The following SGCZ variants were observed in gnomAD, a reference collection of about 807,000 sequenced individuals.
The protein encoded by SGCZ is zeta-sarcoglycan.
Under a neutral mutation model 41.3 loss-of-function variants are expected in SGCZ, and 40 were observed. That is an observed-to-expected ratio of 0.97 (90% CI 0.75 to 1.26). The LOEUF is 1.26. SGCZ is among the 50% of genes most tolerant of loss of function. SGCZ has a pLI of 0.00. For synonymous variants in SGCZ, 206 were observed against 137.5 expected (o/e 1.50, Z -3.49); for missense variants, 552 against 369.8 (o/e 1.49, Z -4.04).
At chr8:14,340,328 G>C (rs988261792) in intron 2 of SGCZ, among the ~76,000 whole-genome samples, 2 of 152,034 alleles carry the variant, frequency 1.3e-5, no homozygotes, top group South Asian at 4.1e-4. Context: ...CCATACTCTG[G>C]TTAGTTATGA....
chr8:14,173,559 T>G (rs1804454007), intron 4 of SGCZ, among the ~76,000 whole-genome samples: 1 of 152,032 alleles, frequency 6.6e-6, no homozygotes, highest in Admixed American at 6.6e-5. Flanking sequence ...GTATAACAAC[T>G]CTCCAAATGA....
intron 2 of SGCZ, among the ~76,000 whole-genome samples, chr8:14,445,630 C>T (rs539930493): frequency 1.3e-5 from 2 of 152,234 alleles, no homozygotes; most frequent in East Asian, 1.9e-4. Context: ...AATCCCATGC[C>T]ACCTCATTAT....
At chr8:14,925,934 G>T (rs76102482) in intron 1 of SGCZ, among the ~76,000 whole-genome samples, 2 of 152,144 alleles carry the variant, frequency 1.3e-5, no homozygotes, top group South Asian at 4.1e-4. Context: ...GTGACAACAG[G>T]GCAGAGATGT....
intron 1 of SGCZ, among the ~76,000 whole-genome samples, chr8:15,158,088 T>G (rs1436594718): frequency 6.6e-6 from 1 of 152,058 alleles, no homozygotes; most frequent in Non-Finnish European, 1.5e-5. Context: ...TCTCCAATCC[T>G]TACCATTTCT....
chr8:14,481,030 G>C (rs549306859), intron 2 of SGCZ, among the ~76,000 whole-genome samples: 1 of 151,586 alleles, frequency 6.6e-6, no homozygotes, highest in African/African-American at 2.4e-5. Flanking sequence ...AAAATAAAAA[G>C]GCTTCCAACA....
At chr8:14,389,119 T>A (rs966474718) in intron 2 of SGCZ, among the ~76,000 whole-genome samples, 4 of 152,006 alleles carry the variant, frequency 2.6e-5, no homozygotes, top group Admixed American at 6.6e-5. Context: ...GGATCAGCTA[T>A]GTGGCAGATT....
chr8:15,074,424 C>G (rs915287459), intron 1 of SGCZ, among the ~76,000 whole-genome samples: 2 of 152,100 alleles, frequency 1.3e-5, no homozygotes, highest in Admixed American at 1.3e-4. Context: ...ACAATGGGCT[C>G]CTGACTGCTG....
At chr8:14,095,101 T>G (rs1177244070) in intron 7 of SGCZ, among the ~76,000 whole-genome samples, 1 of 152,206 alleles carries the variant, frequency 6.6e-6, no homozygotes, top group Non-Finnish European at 1.5e-5. Flanking sequence ...TGATAGTTTC[T>G]TTTGCTCTGA....
chr8:14,323,435 G>T (rs2117030651), intron 3 of SGCZ, among the ~76,000 whole-genome samples: 1 of 151,872 alleles, frequency 6.6e-6, no homozygotes, highest in East Asian at 1.9e-4. Context: ...ATATCTCAGG[G>T]GGAATGTAAT....
At chr8:15,224,873 C>T (rs1408733241) in intron 1 of SGCZ, among the ~76,000 whole-genome samples, 1 of 152,088 alleles carries the variant, frequency 6.6e-6, no homozygotes, top group Non-Finnish European at 1.5e-5. Flanking sequence ...AGAAAGTCAT[C>T]ACCTATAAGT....
chr8:14,351,812 G>C (rs1332064300), intron 2 of SGCZ, among the ~76,000 whole-genome samples: 2 of 151,930 alleles, frequency 1.3e-5, no homozygotes, highest in Non-Finnish European at 2.9e-5. Flanking sequence ...TCTCTTTTCA[G>C]CTTTTGCTTT....
intron 3 of SGCZ, among the ~76,000 whole-genome samples, chr8:14,253,906 A>C (rs1316079551): frequency 6.8e-6 from 1 of 147,028 alleles, no homozygotes; most frequent in Admixed American, 7.1e-5. Context: ...TCTTTTTTAC[A>C]TGTAAAAAAT....
At position 14,693,177 on chromosome 8, in the gene SGCZ, A is replaced by T. The variant is rs1439997121; in HGVS notation, c.40-138251T>A. Among the ~76,000 whole-genome samples, 7 of 152,322 alleles carry T rather than the reference A, an allele frequency of 4.6e-5. No individual in the cohort carries two copies. The East Asian group carries it at 1.3e-3, about 29-fold the overall frequency. The stretch of plus-strand genomic sequence containing the variant: ...TTTGTGCATAAATATTCTAATGCTA[A>T]CTTGAAGAATATATGAAATATTCAT... On this transcript the variant is annotated intron_variant, in intron 1 of 7. Coordinates refer to ENST00000382080, the MANE Select transcript of SGCZ (RefSeq NM_139167.4).
At chr8:14,810,789 A>G (rs1008826394) in intron 1 of SGCZ, among the ~76,000 whole-genome samples, 5 of 151,994 alleles carry the variant, frequency 3.3e-5, no homozygotes, top group African/African-American at 1.2e-4. Context: ...AGGTTTGTTT[A>G]TTTACTTGTT....
chr8:15,040,622 A>T (rs991342531), intron 1 of SGCZ, among the ~76,000 whole-genome samples: 15 of 152,156 alleles, frequency 9.9e-5, no homozygotes, highest in African/African-American at 3.4e-4. Context: ...ACTCTATCTC[A>T]AAACAAAAAA....
At chr8:14,281,708 G>T (rs1329907750) in intron 3 of SGCZ, among the ~76,000 whole-genome samples, 1 of 151,978 alleles carries the variant, frequency 6.6e-6, no homozygotes, top group African/African-American at 2.4e-5. Flanking sequence ...CATTTAATCT[G>T]AGAGAACAAC....
At chr8:14,201,297 T>C (rs1805447202) in intron 4 of SGCZ, among the ~76,000 whole-genome samples, 1 of 152,126 alleles carries the variant, frequency 6.6e-6, no homozygotes, top group South Asian at 2.1e-4. Flanking sequence ...TGAAAACTAA[T>C]GTTCACAAAA....
At chr8:14,564,121 T>C (rs1487096923) in intron 1 of SGCZ, among the ~76,000 whole-genome samples, 2 of 152,204 alleles carry the variant, frequency 1.3e-5, no homozygotes, top group South Asian at 2.1e-4. Flanking sequence ...GATAGCAAGA[T>C]AGATAATTTG....
intron 2 of SGCZ, among the ~76,000 whole-genome samples, chr8:14,423,772 TCCC>T (rs1324192089): frequency 6.6e-6 from 1 of 152,046 alleles, no homozygotes; most frequent in Non-Finnish European, 1.5e-5. Flanking sequence ...CTTCCTTCCG[TCCC>T]CCCATCTTTC....
Sources: gnomAD v4.1 joint callset for allele counts (sites outside exome capture counted in the v4.1 genomes callset) on GRCh38, gnomAD v4.1.1 for gene constraint, MANE v1.5 for transcripts, NCBI Gene and HGNC (gene_info 2026-07-23, HGNC 2026-07-21) for gene names.